The following EDIL3 variants were observed in gnomAD, a reference collection of about 807,000 sequenced individuals.
EDIL3 encodes EGF like and discoidin domains 3.
Under a neutral mutation model 67.4 loss-of-function variants are expected in EDIL3, and 37 were observed. The ratio of observed to expected loss-of-function variants is 0.55; its 90% CI spans 0.42 to 0.72. The LOEUF is 0.72. Among genes scored for constraint, EDIL3 ranks in the 30% least tolerant of loss-of-function variants. EDIL3 has a pLI of 0.00. For missense variants in EDIL3, 527 were observed against 586.3 expected (o/e 0.90, Z 1.04); for synonymous variants, 195 against 196.3 (o/e 0.99, Z 0.05).
chr5:84,177,929 A>T (rs1748949812), intron 4 of EDIL3, among the ~76,000 whole-genome samples: 1 of 152,180 alleles, frequency 6.6e-6, no homozygotes, highest in African/African-American at 2.4e-5. Flanking sequence ...TTTCCAAAAG[A>T]CATTTAGTTA....
chr5:84,322,131 T>C (rs967845832), intron 1 of EDIL3, among the ~76,000 whole-genome samples: 1 of 151,668 alleles, frequency 6.6e-6, no homozygotes, highest in Non-Finnish European at 1.5e-5. Flanking sequence ...CCAAATTTAC[T>C]ACATAATTAG....
chr5:84,265,376 TTATC>T (rs1745325919), intron 1 of EDIL3, among the ~76,000 whole-genome samples: 1 of 152,192 alleles, frequency 6.6e-6, no homozygotes. Flanking sequence ...CTGTATATGC[TTATC>T]TATTTAGTGG....
chr5:84,331,454 T>C (rs996974403), intron 1 of EDIL3, among the ~76,000 whole-genome samples: 4 of 152,164 alleles, frequency 2.6e-5, no homozygotes, highest in South Asian at 4.1e-4. Context: ...TTTCTCATGA[T>C]AGTGAGTTCT....
At chr5:84,011,927 T>C (rs559550580) in intron 9 of EDIL3, among the ~76,000 whole-genome samples, 4 of 152,274 alleles carry the variant, frequency 2.6e-5, no homozygotes, top group African/African-American at 9.6e-5. Flanking sequence ...TTTCACTACT[T>C]GATATTATCA....
At chr5:84,059,568 A>G (rs1005102998) in intron 9 of EDIL3, among the ~76,000 whole-genome samples, 1 of 152,176 alleles carries the variant, frequency 6.6e-6, no homozygotes, top group Admixed American at 6.5e-5. Context: ...ATGAACTACT[A>G]TAGTTTTTAA....
At chr5:84,217,939 G>A (rs1184845116) in intron 3 of EDIL3, among the ~76,000 whole-genome samples, 3 of 151,656 alleles carry the variant, frequency 2.0e-5, no homozygotes, top group Admixed American at 6.6e-5. Flanking sequence ...TTTAATTTCT[G>A]GCTTGTCTCC....
intron 1 of EDIL3, among the ~76,000 whole-genome samples, chr5:84,344,524 T>C (rs966840076): frequency 6.6e-6 from 1 of 152,116 alleles, no homozygotes; most frequent in Non-Finnish European, 1.5e-5. Context: ...CTTTTTCATA[T>C]GTAAATTTTA....
chr5:84,186,084 T>C (rs1743426868), intron 3 of EDIL3, among the ~76,000 whole-genome samples: 1 of 152,098 alleles, frequency 6.6e-6, no homozygotes, highest in Non-Finnish European at 1.5e-5. Flanking sequence ...TCCAGTTTTA[T>C]TGCCCCAAGT....
intron 10 of EDIL3, among the ~76,000 whole-genome samples, chr5:83,948,815 C>G (rs1012597978): frequency 1.3e-5 from 2 of 151,682 alleles, no homozygotes; most frequent in African/African-American, 2.4e-5. Context: ...ATTCAATTTT[C>G]TAGGAAAATT....
chr5:84,159,897 A>G (rs914766142), intron 4 of EDIL3, among the ~76,000 whole-genome samples: 5 of 152,034 alleles, frequency 3.3e-5, no homozygotes, highest in African/African-American at 1.2e-4. Context: ...TGTTACATAT[A>G]ATTACTTTGG....
At chr5:84,109,843 C>T (rs939939073) in intron 5 of EDIL3, among the ~76,000 whole-genome samples, 11 of 152,136 alleles carry the variant, frequency 7.2e-5, no homozygotes, top group Non-Finnish European at 1.5e-4. Flanking sequence ...TGTCAAGGTA[C>T]TGCCTTGAGT....
chr5:84,123,128 A>T (rs192408373), intron 5 of EDIL3, among the ~76,000 whole-genome samples: 1 of 152,010 alleles, frequency 6.6e-6, no homozygotes, highest in Non-Finnish European at 1.5e-5. Flanking sequence ...AGCATAGTGC[A>T]TTTTTCTCTG....
chr5:84,164,390 A>C (rs76716487), intron 4 of EDIL3, among the ~76,000 whole-genome samples: 3,346 of 152,184 alleles, frequency 0.022, 123 homozygotes, highest in African/African-American at 0.077. Context: ...TATATTTAAA[A>C]ATATACTGGT....
intron 9 of EDIL3, among the ~76,000 whole-genome samples, chr5:84,050,147 G>A (rs574658677): frequency 2.9e-5 from 4 of 140,070 alleles, no homozygotes; most frequent in South Asian, 4.4e-4. Context: ...GCAGTGAGTC[G>A]AGATGGCGCC....
intron 5 of EDIL3, among the ~76,000 whole-genome samples, chr5:84,119,891 T>G (rs1747740184): frequency 6.6e-6 from 1 of 152,022 alleles, no homozygotes; most frequent in African/African-American, 2.4e-5. Flanking sequence ...GCATATCCTT[T>G]TTTTTGTTTC....
At chr5:84,055,926 C>A (rs575156636) in intron 9 of EDIL3, among the ~76,000 whole-genome samples, 1 of 152,178 alleles carries the variant, frequency 6.6e-6, no homozygotes, top group East Asian at 1.9e-4. Context: ...TCTAGAACTA[C>A]AAATATCATT....
At chr5:84,112,311 G>A (rs1747579092) in intron 5 of EDIL3, among the ~76,000 whole-genome samples, 1 of 152,128 alleles carries the variant, frequency 6.6e-6, no homozygotes, top group African/African-American at 2.4e-5. Flanking sequence ...CTGAAAGAGG[G>A]GCGGAGAAGA....
chr5:84,291,439 AG>A (rs2112118450), intron 1 of EDIL3, among the ~76,000 whole-genome samples: 1 of 152,190 alleles, frequency 6.6e-6, no homozygotes, highest in African/African-American at 2.4e-5. Flanking sequence ...CCTTTTAAAA[AG>A]GTACACTAAA....
intron 9 of EDIL3, among the ~76,000 whole-genome samples, chr5:84,049,469 T>C (rs2112222470): frequency 6.6e-6 from 1 of 152,316 alleles, no homozygotes; most frequent in African/African-American, 2.4e-5. Flanking sequence ...AATTTCTGAC[T>C]TCTTTGTTTG....
Sources: gnomAD v4.1 joint callset for allele counts (sites outside exome capture counted in the v4.1 genomes callset) on GRCh38, gnomAD v4.1.1 for gene constraint, MANE v1.5 for transcripts, NCBI Gene and HGNC (gene_info 2026-07-23, HGNC 2026-07-21) for gene names.